PCDH15: variants seen among roughly 807,000 people sequenced by gnomAD.
PCDH15 encodes the protein protocadherin related 15, also known as protocadherin-15.
Under a neutral mutation model 178.5 loss-of-function variants are expected in PCDH15, and 129 were observed. That is an observed-to-expected ratio of 0.72 (90% CI 0.63 to 0.84). The LOEUF (loss-of-function observed/expected upper bound fraction) is 0.84. PCDH15 is among the 40% of genes least tolerant of loss of function. The pLI is 0.00. For synonymous variants in PCDH15, 800 were observed against 732.0 expected, an observed-to-expected ratio of 1.09 and a Z score of -1.50; for missense variants, 2,230 against 2,099.9, an observed-to-expected ratio of 1.06 and a Z score of -1.21.
At chr10:53,906,536 C>CA (rs1263141482) in intron 25 of PCDH15, among the ~76,000 whole-genome samples, 1 of 151,890 alleles carries the variant, frequency 6.6e-6, no homozygotes, top group African/African-American at 2.4e-5. Flanking sequence ...TTTTGTTGAA[C>CA]AAAAAAGTTG....
At chr10:54,174,742 G>C (rs1366709841) in intron 13 of PCDH15, among the ~76,000 whole-genome samples, 1 of 104,942 alleles carries the variant, frequency 9.5e-6, no homozygotes, top group African/African-American at 3.7e-5. Flanking sequence ...GTCTCGTTCC[G>C]TCACCCAGCC....
At chr10:54,715,749 C>G (rs2095472866) in intron 1 of PCDH15, among the ~76,000 whole-genome samples, 1 of 152,104 alleles carries the variant, frequency 6.6e-6, no homozygotes. Context: ...TCATTTGGCA[C>G]ACACACGTCC....
intron 2 of PCDH15, among the ~76,000 whole-genome samples, chr10:54,565,486 A>C (rs934756085): frequency 1.3e-5 from 2 of 152,160 alleles, no homozygotes; most frequent in African/African-American, 2.4e-5. Flanking sequence ...CTGTATTTAT[A>C]GGTTGAAACT....
At chr10:55,408,336 C>A (rs1455370019) in intron 2 of PCDH15, among the ~76,000 whole-genome samples, 1 of 151,924 alleles carries the variant, frequency 6.6e-6, no homozygotes, top group Non-Finnish European at 1.5e-5. Context: ...CAGGCACCTG[C>A]CACCACGCCC....
intron 2 of PCDH15, among the ~76,000 whole-genome samples, chr10:55,038,193 AT>A (rs1338778737): frequency 6.6e-6 from 1 of 152,130 alleles, no homozygotes; most frequent in Non-Finnish European, 1.5e-5. Context: ...GAGCAAAAAA[AT>A]AACTAAACAT....
chr10:54,896,831 TA>T (rs149598111), intron 3 of PCDH15, among the ~76,000 whole-genome samples: 1 of 151,824 alleles, frequency 6.6e-6, no homozygotes, highest in Non-Finnish European at 1.5e-5. Context: ...ATATACAAAG[TA>T]AAAAAAACAA....
At chr10:55,341,633 G>A (rs1342739741) in intron 2 of PCDH15, among the ~76,000 whole-genome samples, 2 of 146,868 alleles carry the variant, frequency 1.4e-5, no homozygotes, top group African/African-American at 5.0e-5. Context: ...GCACTGACGC[G>A]ATCTTGGCTT....
At chr10:55,378,505 A>T (rs1837453048) in intron 2 of PCDH15, among the ~76,000 whole-genome samples, 1 of 152,146 alleles carries the variant, frequency 6.6e-6, no homozygotes, top group Admixed American at 6.6e-5. Flanking sequence ...CACTTAGCAA[A>T]AAGTACTGAA....
At chr10:53,851,806 T>G (rs767313968) in intron 28 of PCDH15, among the ~76,000 whole-genome samples, 1 of 150,074 alleles carries the variant, frequency 6.7e-6, no homozygotes, top group Non-Finnish European at 1.5e-5. Context: ...ACATTTCTAA[T>G]GTAGGTTTTG....
At chr10:53,944,203 T>G (rs893050938) in intron 23 of PCDH15, among the ~76,000 whole-genome samples, 1 of 152,172 alleles carries the variant, frequency 6.6e-6, no homozygotes, top group Admixed American at 6.5e-5. Context: ...TAAAGGAAAT[T>G]GAAAATTTTG....
chr10:54,002,931 C>G (rs1402174070), intron 20 of PCDH15, among the ~76,000 whole-genome samples: 10 of 152,136 alleles, frequency 6.6e-5, no homozygotes, highest in African/African-American at 2.2e-4. Context: ...CATGTGGAAG[C>G]TTCCCTTTCG....
intron 2 of PCDH15, among the ~76,000 whole-genome samples, chr10:55,523,289 A>AT (rs962912912): frequency 2.8e-4 from 42 of 149,938 alleles, no homozygotes; most frequent in African/African-American, 8.8e-4. Context: ...TATTTTCTTC[A>AT]TTTTTTTCTT....
chr10:54,161,252 G>A (rs754984420), intron 13 of PCDH15, among the ~76,000 whole-genome samples: 8 of 152,152 alleles, frequency 5.3e-5, no homozygotes, highest in Non-Finnish European at 1.0e-4. Context: ...CAGCATAGAT[G>A]AGCTACATAA....
At chr10:55,374,405 A>C (rs1228257967) in intron 2 of PCDH15, among the ~76,000 whole-genome samples, 2 of 152,122 alleles carry the variant, frequency 1.3e-5, no homozygotes, top group Non-Finnish European at 2.9e-5. Flanking sequence ...AGCTTTGTTC[A>C]TTCCAGTGCT....
chr10:54,982,137 T>A (rs1240974842), intron 2 of PCDH15, among the ~76,000 whole-genome samples: 1 of 152,058 alleles, frequency 6.6e-6, no homozygotes, highest in Admixed American at 6.6e-5. Context: ...ACAAAGCTGT[T>A]ATAAATAAAC....
intron 16 of PCDH15, among the ~76,000 whole-genome samples, chr10:54,085,103 G>T (rs2136001467): frequency 6.6e-6 from 1 of 151,970 alleles, no homozygotes; most frequent in Middle Eastern, 3.4e-3. Context: ...GTTTGATTTG[G>T]GTTTAATATT....
At chr10:55,326,694 CAAA>C (rs1167136591) in intron 2 of PCDH15, among the ~76,000 whole-genome samples, 5 of 151,676 alleles carry the variant, frequency 3.3e-5, no homozygotes, top group Non-Finnish European at 7.4e-5. Context: ...ACAAAAGGAA[CAAA>C]AGATGTAAAA....
At chr10:54,399,842 T>C (rs143519311) in intron 3 of PCDH15, among the ~76,000 whole-genome samples, 7,963 of 152,132 alleles carry the variant, frequency 0.052, 699 homozygotes, top group African/African-American at 0.18. Flanking sequence ...GAAACAGCTA[T>C]CCAAATTTGG....
rs1410299570 is a variant in PCDH15 at position 55,298,133 on chromosome 10, T to C, written c.-156+21466A>G. Among the ~76,000 whole-genome samples the C allele has an allele frequency of 3.9e-5, 6 of 152,200 alleles. No homozygotes were observed. In the East Asian group the frequency reaches 5.8e-4, roughly 15 times the overall value. On this transcript the variant is annotated intron_variant, in intron 1 of 5. Coordinates refer to the PCDH15 transcript ENST00000458638. ...CATGGGAAAAGATGGCCAGGAATCA[T>C]TGGATTAGAGAAAAAGCCTTTAATA...
Sources: gnomAD v4.1 joint callset for allele counts (sites outside exome capture counted in the v4.1 genomes callset) on GRCh38, gnomAD v4.1.1 for gene constraint, MANE v1.5 for transcripts, NCBI Gene and HGNC (gene_info 2026-07-23, HGNC 2026-07-21) for gene names.